The following LOC128125817 variants were observed in gnomAD, a reference collection of about 807,000 sequenced individuals.
chr1:41,586,613 G>A, the LOC128125817 span, among the ~76,000 whole-genome samples: 1,389 of 152,282 alleles, frequency 9.1e-3, 23 homozygotes, highest in African/African-American at 0.032. Context: ...TTCACTAGGT[G>A]TGTGATGATA....
At chr1:41,627,048 TG>T in the LOC128125817 span, among the ~76,000 whole-genome samples, 1 of 152,174 alleles carries the variant, frequency 6.6e-6, no homozygotes, top group Non-Finnish European at 1.5e-5. Context: ...ACCAACCATG[TG>T]GGCAGCAGCA....
At chr1:41,594,525 A>G in the LOC128125817 span, among the ~76,000 whole-genome samples, 1 of 152,202 alleles carries the variant, frequency 6.6e-6, no homozygotes, top group Non-Finnish European at 1.5e-5. Context: ...CCTGGCCGAT[A>G]TCTTATGTTT....
chr1:41,624,382 C>G, the LOC128125817 span, among the ~76,000 whole-genome samples: 1 of 152,222 alleles, frequency 6.6e-6, no homozygotes, highest in Admixed American at 6.5e-5. Context: ...TACACACATT[C>G]AAACATGCTC....
chr1:41,589,021 G>A, the LOC128125817 span, among the ~76,000 whole-genome samples: 8 of 152,220 alleles, frequency 5.3e-5, no homozygotes, highest in Non-Finnish European at 1.0e-4. Flanking sequence ...CCGAAGGACC[G>A]TTCTAATGAC....
At chr1:41,626,456 C>G in the LOC128125817 span, among the ~76,000 whole-genome samples, 2 of 152,230 alleles carry the variant, frequency 1.3e-5, no homozygotes. Flanking sequence ...TTCCAAGCAG[C>G]TGGCTGAGCC....
At chr1:41,592,395 C>G in the LOC128125817 span, among the ~76,000 whole-genome samples, 2 of 152,170 alleles carry the variant, frequency 1.3e-5, no homozygotes, top group Admixed American at 1.3e-4. Context: ...AATCTAAGAC[C>G]AGGTGACAGT....
chr1:41,614,883 G>A, the LOC128125817 span, among the ~76,000 whole-genome samples: 1 of 152,210 alleles, frequency 6.6e-6, no homozygotes, highest in Non-Finnish European at 1.5e-5. Context: ...ACTAAGATCT[G>A]AAGGAAATTT....
chr1:41,624,437 G>A, the LOC128125817 span, among the ~76,000 whole-genome samples: 10 of 152,288 alleles, frequency 6.6e-5, no homozygotes, highest in African/African-American at 1.4e-4. Context: ...AAGTGCTGCC[G>A]GTTTAATTTG....
the LOC128125817 span, among the ~76,000 whole-genome samples, chr1:41,605,574 G>T: frequency 1.3e-5 from 2 of 152,082 alleles, no homozygotes; most frequent in South Asian, 2.1e-4. Flanking sequence ...ATAATAAGGG[G>T]TGGTAGATGC....
chr1:41,615,079 C>T, the LOC128125817 span, among the ~76,000 whole-genome samples: 1 of 152,180 alleles, frequency 6.6e-6, no homozygotes, highest in Non-Finnish European at 1.5e-5. Flanking sequence ...ACCACCGTTA[C>T]AAGTTTTCTC....
At chr1:41,587,552 T>C in the LOC128125817 span, among the ~76,000 whole-genome samples, 1 of 152,242 alleles carries the variant, frequency 6.6e-6, no homozygotes, top group Non-Finnish European at 1.5e-5. Flanking sequence ...CAATTAATAT[T>C]TGCCTTACGG....
At chr1:41,599,803 G>A in the LOC128125817 span, among the ~76,000 whole-genome samples, 1 of 152,094 alleles carries the variant, frequency 6.6e-6, no homozygotes, top group Admixed American at 6.5e-5. Context: ...AAGAATGAGA[G>A]AAAACGCTTG....
chr1:41,623,976 T>C, the LOC128125817 span, among the ~76,000 whole-genome samples: 1 of 152,194 alleles, frequency 6.6e-6, no homozygotes. Context: ...TTCTGCACCT[T>C]TTCTTCAAAG....
the LOC128125817 span, among the ~76,000 whole-genome samples, chr1:41,599,706 C>G: frequency 6.6e-6 from 1 of 152,076 alleles, no homozygotes. Context: ...AAAGCATACA[C>G]AACAAAAGTA....
At chr1:41,612,705 G>T in the LOC128125817 span, among the ~76,000 whole-genome samples, 1 of 152,142 alleles carries the variant, frequency 6.6e-6, no homozygotes. Context: ...GACAAATACG[G>T]TATCCTGAAC....
At chr1:41,616,120 T>C in the LOC128125817 span, among the ~76,000 whole-genome samples, 1 of 151,918 alleles carries the variant, frequency 6.6e-6, no homozygotes, top group Admixed American at 6.6e-5. Flanking sequence ...TGACATGTGG[T>C]GGGTGGATCT....
At chr1:41,609,559 C>T in the LOC128125817 span, among the ~76,000 whole-genome samples, 3 of 152,238 alleles carry the variant, frequency 2.0e-5, no homozygotes, top group Non-Finnish European at 4.4e-5. Flanking sequence ...GAAAGGGTTC[C>T]ACCCCATCCT....
the LOC128125817 span, among the ~76,000 whole-genome samples, chr1:41,608,281 C>T: frequency 6.6e-6 from 1 of 152,158 alleles, no homozygotes; most frequent in African/African-American, 2.4e-5. Flanking sequence ...CCACAATTGC[C>T]AAAAGAAGGA....
At chr1:41,626,785 C>T in the LOC128125817 span, among the ~76,000 whole-genome samples, 2 of 152,112 alleles carry the variant, frequency 1.3e-5, no homozygotes, top group Admixed American at 1.3e-4. Context: ...ACAGCATGAT[C>T]GATTCCTATG....
Sources: gnomAD v4.1 joint callset for allele counts (sites outside exome capture counted in the v4.1 genomes callset) on GRCh38, gnomAD v4.1.1 for gene constraint, MANE v1.5 for transcripts.